The following GGT7 variants were observed in gnomAD, a reference collection of about 807,000 sequenced individuals.
GGT7 encodes the protein glutathione hydrolase 7.
In GGT7, 30 loss-of-function variants were observed where a neutral mutation model predicts 69.2. That is an observed-to-expected ratio of 0.43 (90% CI 0.32 to 0.59). The LOEUF is 0.59. Among genes scored for constraint, GGT7 ranks in the 20% least tolerant of loss-of-function variants. The pLI, the probability that GGT7 is intolerant of heterozygous loss-of-function variation, is 0.05. For missense variants in GGT7, 733 were observed against 901.1 expected (o/e 0.81, Z 2.39); for synonymous variants, 388 against 391.8 (o/e 0.99, Z 0.12).
chr20:34,862,402 C>T (rs2079612180), intron 3 of GGT7, among the ~76,000 whole-genome samples: 1 of 152,096 alleles, frequency 6.6e-6, no homozygotes, highest in Non-Finnish European at 1.5e-5. Flanking sequence ...GGGTGGCCAG[C>T]TTGTAACTTC....
Position 34,852,275 on chromosome 20 carries a change from G to A in GGT7, c.1470-3C>T, listed in dbSNP as rs537150694. 2.5e-6 allele frequency: 4 copies of A among 1,609,834 alleles called. No homozygotes were observed. In the South Asian group the frequency reaches 3.3e-5, roughly 13 times the overall value. On this transcript the variant is annotated splice_polypyrimidine_tract_variant and splice_region_variant and intron_variant, in intron 11 of 14. Coordinates refer to ENST00000336431, the MANE Select transcript of GGT7 (RefSeq NM_178026.3). ...TGCCAAAGGGCTGGTTCAGGGAGCT[G>A]GGGGCCGAGGTGGGGTTGGGTGAGC...
chr20:34,860,637 CTTTTTTTTT>C (rs533561120), intron 4 of GGT7, among the ~76,000 whole-genome samples: 41,861 of 114,810 alleles, frequency 0.36, 6,854 homozygotes, highest in Middle Eastern at 0.48. Context: ...CAACCCCTGC[CTTTTTTTTT>C]TTTTTTTTTT....
rs1369323882 is a variant in GGT7, at chr20:34,859,560, T to C, written c.897A>G (p.Pro299=). The change falls in exon 7 of 15, where the codon CCA becomes CCG. Residue 299 remains proline, a synonymous_variant. Coordinates refer to ENST00000336431, the MANE Select transcript of GGT7 (RefSeq NM_178026.3). ...GCCGATGCAGCAACGAGCCAGGTAG[T>C]GGCGGGCGGCCCGATGGCAGGAACG... ...RETFLPSGRP[P]LPGSLLHRPD... The C allele has an allele frequency of 6.2e-6, 10 of 1,605,016 alleles. No individual in the cohort carries two copies. The African/African-American group carries it at 9.4e-5, about 15-fold the overall frequency.
At chr20:34,853,079 A>G (rs62211627) in intron 10 of GGT7, among the ~76,000 whole-genome samples, 36 of 151,910 alleles carry the variant, frequency 2.4e-4, no homozygotes, top group Admixed American at 2.6e-4. Context: ...CCTCCCGATT[A>G]TCTGGGATTA....
chr20:34,858,631 C>T (rs2079533033), intron 7 of GGT7, among the ~76,000 whole-genome samples: 1 of 152,210 alleles, frequency 6.6e-6, no homozygotes, highest in South Asian at 2.1e-4. Flanking sequence ...ACATCTGTTA[C>T]TGCCTGAGAC....
chr20:34,871,330 G>A (rs934237050), intron 1 of GGT7, among the ~76,000 whole-genome samples: 5 of 152,138 alleles, frequency 3.3e-5, no homozygotes, highest in East Asian at 3.9e-4. Context: ...GCCTGTTGTC[G>A]CTTGGTGAGT....
chr20:34,850,805 C>A, intron 13 of GGT7: 4 of 523,206 alleles, frequency 7.6e-6, no homozygotes, highest in Middle Eastern at 3.2e-4. Flanking sequence ...AGGTGCCTGG[C>A]ATATATATCA....
intron 1 of GGT7, among the ~76,000 whole-genome samples, chr20:34,871,646 G>A (rs1236732900): frequency 2.0e-5 from 3 of 152,186 alleles, no homozygotes; most frequent in African/African-American, 7.2e-5. Flanking sequence ...GGGCTTTCAG[G>A]CTGGGAGCAG....
chr20:34,861,435 GGGTCCCCACCTT>G lies in GGT7; in HGVS notation c.673_675+9del. 7.0e-7 allele frequency: 1 copy of G among 1,420,902 alleles called. No homozygotes were observed. Among genetic ancestry groups the G allele is most frequent in the Non-Finnish European group, 9.8e-7 (1 of 1,023,498 alleles). 88.0% of individuals were successfully genotyped at this position (1,420,902 alleles called of 1,614,324 possible). ...TCCCCTGAACTCTCTCTTCTCACCA[GGGTCCCCACCTT>G]GGTCTCCCAGGATCTTTGCAGGGTC... On this transcript the variant is annotated splice_donor_variant and splice_donor_5th_base_variant and coding_sequence_variant and intron_variant, in exon 4 of 15. Coordinates refer to ENST00000336431, the MANE Select transcript of GGT7 (RefSeq NM_178026.3). LOFTEE classifies it high-confidence loss of function.
At position 34,863,431 on chromosome 20, in the gene GGT7, G is replaced by A; in HGVS notation, c.287C>T (p.Ala96Val). The change falls in exon 2 of 15, where the codon GCA (alanine) becomes GTA (valine). Residue 96 changes from alanine to valine, a missense_variant. Coordinates refer to ENST00000336431, the MANE Select transcript of GGT7 (RefSeq NM_178026.3). This position sits in a 1 kb window ranked among gnomAD's most constrained non-coding sequence, Gnocchi z 4.4. ...CTGGCGGCAGGAGCACTCGGCCGCT[G>A]CGGCGGAGAACGGGTCTTTGCGCGT... ...RETRKDPFSA[A>V]AAECSCRQDG... 1.2e-6 allele frequency: 2 copies of A among 1,613,520 alleles called. No homozygotes were observed. The highest frequency in any genetic ancestry group is 1.7e-6 in the Non-Finnish European group (2 of 1,179,902).
At chr20:34,870,435 C>T (rs1265141200) in intron 1 of GGT7, among the ~76,000 whole-genome samples, 1 of 152,172 alleles carries the variant, frequency 6.6e-6, no homozygotes, top group African/African-American at 2.4e-5. Flanking sequence ...TTTATTCATT[C>T]AACAATTATT....
chr20:34,854,653 C>A, intron 9 of GGT7, 34 bp from the exon 10 acceptor site: 1 of 1,575,824 alleles, frequency 6.3e-7, no homozygotes, highest in East Asian at 2.2e-5. Flanking sequence ...AAGAGGCTGC[C>A]AGGCCCCTCC....
chr20:34,854,031 G>T (rs552362935), intron 10 of GGT7, among the ~76,000 whole-genome samples: 1 of 152,316 alleles, frequency 6.6e-6, no homozygotes, highest in East Asian at 1.9e-4. Flanking sequence ...CTGCTTCCCG[G>T]GTTCAAGTGA....
intron 1 of GGT7, among the ~76,000 whole-genome samples, chr20:34,867,609 G>A (rs1224178997): frequency 2.0e-5 from 3 of 152,116 alleles, no homozygotes; most frequent in East Asian, 1.9e-4. Flanking sequence ...CCAACTACTC[G>A]AAAGGCTGAG....
rs1213920993 is a variant in GGT7, at chr20:34,845,472, C to T, written c.1845G>A (p.Glu615=). The stretch of plus-strand genomic sequence containing the variant: ...GACCCCTGGCTTCCAGGAACTCAAT[C>T]TCTTCCTCTGTGAACTCACCTGAAA... ...LQVDSEFTEE[E]IEFLEARGHH... Residue 615 remains glutamate, a synonymous_variant, in exon 15 of 15, where the codon GAG becomes GAA. Transcript: ENST00000336431. The T allele has an allele frequency of 6.2e-7, 1 of 1,614,062 alleles. No homozygotes were observed. Among genetic ancestry groups the T allele is most frequent in the Non-Finnish European group, 8.5e-7 (1 of 1,179,934 alleles).
chr20:34,847,942 T>C lies in GGT7; in HGVS notation c.1825+2019A>G, dbSNP rs185494348. Among the ~76,000 whole-genome samples the C allele has an allele frequency of 1.4e-3, 216 of 152,140 alleles. 1 individual carries two copies. The highest frequency in any genetic ancestry group is 5.0e-3 in the African/African-American group (207 of 41,530). ...CCCTGTCTCTACAAAAATGCAAAAA[T>C]TAGCTGGGTGTGGTGGCATGTGCAC... On this transcript the variant is annotated intron_variant, in intron 14 of 14. Coordinates refer to ENST00000336431, the MANE Select transcript of GGT7 (RefSeq NM_178026.3).
rs187251929 is a variant in GGT7, at chr20:34,849,275, G to A, written c.1825+686C>T. Among the ~76,000 whole-genome samples the A allele has an allele frequency of 1.7e-4, 25 of 148,006 alleles. No individual in the cohort carries two copies. The East Asian group carries it at 4.8e-3, about 28-fold the overall frequency. Reference sequence around the variant, plus strand: ...CCTCCCTGGTTCAAGCAATTCTCCTGCCTCAGCCTCCCGAGTAGCTAGAAC... The same window carrying A: ...CCTCCCTGGTTCAAGCAATTCTCCTACCTCAGCCTCCCGAGTAGCTAGAAC... On this transcript the variant is annotated intron_variant, in intron 14 of 14. Transcript: ENST00000336431.
rs1396347412 is a variant in GGT7, at chr20:34,845,049, CACAG to C, written c.*275_*278del. The C allele has an allele frequency of 4.3e-6, 2 of 469,032 alleles. No individual in the cohort carries two copies. Among genetic ancestry groups the C allele is most frequent in the Non-Finnish European group, 7.7e-6 (2 of 260,702 alleles). The allele number at this position is 469,032 out of a possible 1,614,324, so 29.1% of individuals were successfully genotyped here. A position where few individuals can be genotyped will look rare whatever the true frequency, so the allele number is the denominator to read the frequency against. ...CATGGCTGAAGGAGGAGAGGTGACA[CACAG>C]ACAGATAGTCTGATTCCTCAAGGTC... On this transcript the variant is annotated 3_prime_UTR_variant, in exon 15 of 15. Transcript: ENST00000336431.
intron 1 of GGT7, 54 bp downstream of exon 1, chr20:34,872,593 A>C: frequency 8.0e-7 from 1 of 1,249,242 alleles, no homozygotes. Context: ...ACACAGAAGA[A>C]GGAAGACCGG....
Sources: gnomAD v4.1 joint callset for allele counts (sites outside exome capture counted in the v4.1 genomes callset) on GRCh38, gnomAD v4.1.1 for gene constraint, Gnocchi (gnomAD v3.1) non-coding constraint, MANE v1.5 for transcripts, NCBI Gene and HGNC (gene_info 2026-07-23, HGNC 2026-07-21) for gene names.